REC8: variants seen among roughly 807,000 people sequenced by gnomAD.
REC8 encodes the protein meiotic recombination protein REC8 homolog.
REC8 carries 42 observed loss-of-function variants against 78.3 expected under a neutral mutation model. The observed-to-expected ratio is 0.54, with a 90% CI of 0.42 to 0.69. The LOEUF (loss-of-function observed/expected upper bound fraction) is 0.69, where lower values mean the gene tolerates loss of function less well. Among genes scored for constraint, REC8 ranks in the 30% least tolerant of loss-of-function variants. REC8 has a pLI of 0.00. For synonymous variants in REC8, 268 were observed against 274.1 expected (o/e 0.98, Z 0.22); for missense variants, 581 against 715.8 (o/e 0.81, Z 2.15).
chr14:24,174,573 T>C (rs1998424), intron 5 of REC8, among the ~76,000 whole-genome samples: 71,799 of 151,998 alleles, frequency 0.47, 17,996 homozygotes, highest in East Asian at 0.79. Flanking sequence ...CCACCGTGCC[T>C]GGCACATACC....
chr14:24,176,618 C>T (rs900169137), intron 6 of REC8, among the ~76,000 whole-genome samples: 4 of 152,108 alleles, frequency 2.6e-5, no homozygotes, highest in African/African-American at 7.2e-5. Flanking sequence ...TGAGCCACTT[C>T]GCCCAGCCTC....
intron 12 of REC8, 141 bp from the exon 13 acceptor site, chr14:24,178,465 C>A: frequency 1.1e-6 from 1 of 922,612 alleles, no homozygotes; most frequent in Non-Finnish European, 1.6e-6. Context: ...CTTCTTTTAG[C>A]AATGAGCAGG....
At position 24,179,679 on chromosome 14, in the gene REC8, G is replaced by C. The variant is rs2039076913; in HGVS notation, c.1404G>C (p.Leu468Phe). ...ELPEVPMEMP[L>F]VLPPELELLS... is the part of the protein sequence containing the mutation. Reference sequence around the variant, plus strand: ...CTGAGGTGCCCATGGAGATGCCTTTGGTGCTGCCCCCAGAGCTCGAGCTGC... The same window carrying C: ...CTGAGGTGCCCATGGAGATGCCTTTCGTGCTGCCCCCAGAGCTCGAGCTGC... Residue 468 changes from leucine (L) to phenylalanine (F), a missense_variant, in exon 17 of 19, where the codon TTG (leucine) becomes TTC (phenylalanine). Coordinates refer to ENST00000611366, the MANE Select transcript of REC8 (RefSeq NM_001048205.2). 6.2e-7 allele frequency: 1 copy of C among 1,614,092 alleles called. No homozygotes were observed. Among genetic ancestry groups the C allele is most frequent in the Admixed American group, 1.7e-5 (1 of 59,998 alleles).
chr14:24,172,108 A>G lies in REC8; in HGVS notation c.-445A>G, dbSNP rs1015625541. On this transcript the variant is annotated 5_prime_UTR_variant, in exon 1 of 19. Transcript: ENST00000611366. ...GTCCTGCAGTAGGCGGCCCGGGGCC[A>G]CACCGCGGCCGCCCAAGCCAGTGCA... 16 of 166,238 alleles carry G rather than the reference A, an allele frequency of 9.6e-5. No individual in the cohort carries two copies. Among genetic ancestry groups the G allele is most frequent in the Non-Finnish European group, 1.7e-4 (13 of 77,508 alleles). 10.3% of individuals were successfully genotyped at this position (166,238 alleles called of 1,614,324 possible).
intron 11 of REC8, 54 bp downstream of exon 11, chr14:24,177,812 A>G (rs2038969140): frequency 6.6e-7 from 1 of 1,510,840 alleles, no homozygotes; most frequent in Non-Finnish European, 8.9e-7. Flanking sequence ...CTCCCCCACA[A>G]GGACTGCCTC....
Position 24,179,477 on chromosome 14 carries a change from C to T in REC8, c.1319+14C>T. On this transcript the variant is annotated intron_variant, in intron 16 of 18. Transcript: ENST00000611366. ...AGAAGAACGGTGGTAAGCGGCCAGG[C>T]TCCGTGGGAGCCAGGGCCCACAGCC... The T allele has an allele frequency of 1.2e-6, 2 of 1,614,070 alleles. No individual in the cohort carries two copies. Among genetic ancestry groups the T allele is most frequent in the Admixed American group, 1.7e-5 (1 of 60,018 alleles).
rs879204667 is a variant in REC8 at position 24,177,361 on chromosome 14, C to T, written c.715C>T (p.Leu239Phe). 2 of 1,614,222 alleles carry T rather than the reference C, an allele frequency of 1.2e-6. No homozygotes were observed. Among genetic ancestry groups the T allele is most frequent in the South Asian group, 2.2e-5 (2 of 91,080 alleles). Residue 239 changes from leucine (L) to phenylalanine (F), a missense_variant, in exon 9 of 19, where the codon CTC (leucine) becomes TTC (phenylalanine). Coordinates refer to ENST00000611366, the MANE Select transcript of REC8 (RefSeq NM_001048205.2). ...TGATTCTCTCTCCACAGTCCCGCGG[C>T]TCCCACCTCCAGCTCCTGCAGAGTA... Reference protein sequence around the residue: ...EEAILLEIPRLPPPAPAEVEG... With the variant: ...EEAILLEIPRFPPPAPAEVEG...
In REC8 at chr14:24,178,763, C is replaced by T; in HGVS notation, c.1064-14C>T. 1 of 1,607,972 alleles carries T rather than the reference C, an allele frequency of 6.2e-7. No homozygotes were observed. The highest frequency in any genetic ancestry group is 2.2e-5 in the East Asian group (1 of 44,716). On this transcript the variant is annotated splice_polypyrimidine_tract_variant and intron_variant, in intron 13 of 18. Coordinates refer to ENST00000611366, the MANE Select transcript of REC8 (RefSeq NM_001048205.2). ...ACGCCTCAAACCCCGTGCCTACTAC[C>T]CTCTTGTCCACAGCTGGCTGGCTAC...
chr14:24,175,320 G>T (rs1295412310), intron 5 of REC8: 3 of 429,728 alleles, frequency 7.0e-6, no homozygotes, highest in Non-Finnish European at 8.6e-6. Flanking sequence ...TGCACAAATT[G>T]ATGAGGGCTA....
At position 24,178,073 on chromosome 14, in the gene REC8, G is replaced by C; in HGVS notation, c.865-18G>C. 6.2e-7 allele frequency: 1 copy of C among 1,608,720 alleles called. No homozygotes were observed. The highest frequency in any genetic ancestry group is 8.5e-7 in the Non-Finnish European group (1 of 1,176,692). On this transcript the variant is annotated intron_variant, in intron 11 of 18. Coordinates refer to ENST00000611366, the MANE Select transcript of REC8 (RefSeq NM_001048205.2). The stretch of plus-strand genomic sequence containing the variant: ...GTAATGGGCAGCCTTGCCCCTACCT[G>C]CCCTCCCCACTCAACAGAGGAGGCC...
rs759562975 is a variant in REC8, at chr14:24,177,690, C to T, written c.815-19C>T. 96 of 1,607,350 alleles carry T rather than the reference C, an allele frequency of 6.0e-5. No homozygotes were observed. The highest frequency in any genetic ancestry group is 8.0e-5 in the Non-Finnish European group (94 of 1,177,118). On this transcript the variant is annotated intron_variant, in intron 10 of 18. Coordinates refer to ENST00000611366, the MANE Select transcript of REC8 (RefSeq NM_001048205.2). ...GGGTAAGGGGCTTATGGGACAGAGCCCCTTGGGTGTTGTTGCAGAGGTGAC... is the reference window on the plus strand; with the variant it reads ...GGGTAAGGGGCTTATGGGACAGAGCTCCTTGGGTGTTGTTGCAGAGGTGAC...
chr14:24,176,380 T>TC (rs1371719146), intron 6 of REC8, among the ~76,000 whole-genome samples: 47 of 150,282 alleles, frequency 3.1e-4, no homozygotes, highest in Non-Finnish European at 3.7e-4. Context: ...TTTCTTTTTT[T>TC]CCCAGGCTGG....
Position 24,173,276 on chromosome 14 carries a change from T to A in REC8, c.342-15T>A. The A allele has an allele frequency of 1.2e-6, 2 of 1,614,192 alleles. No homozygotes were observed. Among genetic ancestry groups the A allele is most frequent in the Non-Finnish European group, 1.7e-6 (2 of 1,180,002 alleles). ...GGCTCAGCCTCAGTCCTTCACGGCCTACATTCTCTCCCAGACCCAGCCTGC... is the reference window on the plus strand; with the variant it reads ...GGCTCAGCCTCAGTCCTTCACGGCCAACATTCTCTCCCAGACCCAGCCTGC... On this transcript the variant is annotated splice_polypyrimidine_tract_variant and intron_variant, in intron 4 of 18. Transcript: ENST00000611366.
At chr14:24,178,754 G>A in intron 13 of REC8, 23 bp from the exon 14 acceptor site, 3 of 1,609,326 alleles carry the variant, frequency 1.9e-6, no homozygotes, top group Non-Finnish European at 2.5e-6. Flanking sequence ...CAAACCCCGT[G>A]CCTACTACCC....
In REC8 at chr14:24,172,866, A is replaced by G. The variant is rs905859018; in HGVS notation, c.126-33A>G. ...GCCAAGACTGTGGGCCCACTCCTGG[A>G]CGCAGCGGTAATCAGGGCGCATTGT... On this transcript the variant is annotated intron_variant, in intron 2 of 18. Coordinates refer to ENST00000611366, the MANE Select transcript of REC8 (RefSeq NM_001048205.2). 9 of 1,613,480 alleles carry G rather than the reference A, an allele frequency of 5.6e-6. No homozygotes were observed. The African/African-American group carries it at 9.3e-5, about 17-fold the overall frequency.
Position 24,177,229 on chromosome 14 carries a change from GTC to G in REC8, c.706+10_706+11del. 1 of 1,613,960 alleles carries G rather than the reference GTC, an allele frequency of 6.2e-7. No individual in the cohort carries two copies. The highest frequency in any genetic ancestry group is 1.1e-5 in the South Asian group (1 of 91,072). ...GAAGCTATCTTGTTAGAAAGTAGGT[GTC>G]TCCGGCAGCGTAGGGCCCGCCTGGA... On this transcript the variant is annotated splice_region_variant and intron_variant, in intron 8 of 18. Transcript: ENST00000611366.
chr14:24,179,359 C>G (rs1332682405), intron 15 of REC8, 38 bp from the exon 16 acceptor site: 1 of 1,609,994 alleles, frequency 6.2e-7, no homozygotes, highest in East Asian at 2.2e-5. Context: ...AACTGCCACC[C>G]AAGCAGACAC....
chr14:24,172,675 C>CT (rs1410712206), intron 1 of REC8, 38 bp from the exon 2 acceptor site: 1 of 1,614,028 alleles, frequency 6.2e-7, no homozygotes, highest in Non-Finnish European at 8.5e-7. Context: ...ACAGCTCCCC[C>CT]TCCATCCCCA....
At chr14:24,175,455 C>G in intron 5 of REC8, 88 bp from the exon 6 acceptor site, 1 of 989,900 alleles carries the variant, frequency 1.0e-6, no homozygotes, top group Non-Finnish European at 1.6e-6. Context: ...AAGGAGATTA[C>G]CGTGCATTGT....
Sources: allele counts gnomAD v4.1 joint callset (sites outside exome capture counted in the v4.1 genomes callset), GRCh38; gene constraint gnomAD v4.1.1; transcripts MANE v1.5; gene names NCBI Gene and HGNC (gene_info 2026-07-23, HGNC 2026-07-21).